CDKN1A: variants seen among roughly 807,000 people sequenced by gnomAD.
CDKN1A encodes cyclin-dependent kinase inhibitor 1.
A neutral mutation model predicts 14.8 loss-of-function variants in CDKN1A; 14 were observed. The ratio of observed to expected loss-of-function variants is 0.94; its 90% CI spans 0.62 to 1.48. CDKN1A has a LOEUF of 1.48. CDKN1A is among the 40% of genes most tolerant of loss of function. The probability of loss-of-function intolerance (pLI) is 0.00; values close to 1 mark genes in which losing one functional copy is unlikely to be tolerated. For missense variants in CDKN1A, 203 were observed against 231.7 expected (o/e 0.88, Z 0.80); for synonymous variants, 92 against 93.5 (o/e 0.98, Z 0.09).
chr6:36,680,340 G>GTGTC lies in CDKN1A; in HGVS notation c.-6+1545_-6+1546insCTGT, dbSNP rs1554185254. The GTGTC allele has an allele frequency of 1.3e-3, 188 of 148,260 alleles. 1 individual carries two copies. Among genetic ancestry groups the GTGTC allele is most frequent in the South Asian group, 6.8e-3 (31 of 4,550 alleles). 9.2% of individuals were successfully genotyped at this position (148,260 alleles called of 1,614,324 possible). The stretch of plus-strand genomic sequence containing the variant: ...TGTGTGTGTGTGTGTGTGTGTGTGT[G>GTGTC]TGTGTCTGTGTCAGAGACGGCACAA... On this transcript the variant is annotated intron_variant, in intron 1 of 2. Coordinates refer to ENST00000244741, the MANE Select transcript of CDKN1A (RefSeq NM_000389.5).
chr6:36,681,778 T>C (rs1412598507), intron 1 of CDKN1A, among the ~76,000 whole-genome samples: 3 of 151,604 alleles, frequency 2.0e-5, no homozygotes, highest in Non-Finnish European at 4.4e-5. Context: ...GTATTTTTAG[T>C]AGAGACGGGG....
In CDKN1A at chr6:36,684,224, C is replaced by T. The variant is rs2150313186; in HGVS notation, c.123C>T (p.Cys41=). Residue 41 remains cysteine (C), a synonymous_variant, in exon 2 of 3, where the codon TGC becomes TGT. Transcript: ENST00000244741. This position sits in a 1 kb window ranked among gnomAD's most constrained non-coding sequence, Gnocchi z 6.0. Reference sequence around the variant, plus strand: ...ACTGTGATGCGCTAATGGCGGGCTGCATCCAGGAGGCCCGTGAGCGATGGA... The same window carrying T: ...ACTGTGATGCGCTAATGGCGGGCTGTATCCAGGAGGCCCGTGAGCGATGGA... ...SRDCDALMAG[C]IQEARERWNF... is the part of the protein sequence containing the mutation. 1 of 1,611,958 alleles carries T rather than the reference C, an allele frequency of 6.2e-7. No homozygotes were observed. Among genetic ancestry groups the T allele is most frequent in the Non-Finnish European group, 8.5e-7 (1 of 1,179,958 alleles).
At position 36,681,404 on chromosome 6, in the gene CDKN1A, T is replaced by TCTTC. The variant is rs769174725; in HGVS notation, c.-6+2610_-6+2613dup. Among the ~76,000 whole-genome samples the TCTTC allele has an allele frequency of 7.7e-5, 7 of 90,424 alleles. No homozygotes were observed. The East Asian group carries it at 1.5e-3, about 19-fold the overall frequency. The allele number at this position is 90,424 out of a possible 152,430, so 59.3% of individuals were successfully genotyped here. Reference sequence around the variant, plus strand: ...TTCTTTCTTTCTTTCTTTCTTTCTTTCTTCCTTTCTCTTTCTCTCTTTCTT... The same window carrying TCTTC: ...TTCTTTCTTTCTTTCTTTCTTTCTTTCTTCCTTCCTTTCTCTTTCTCTCTTTCTT... On this transcript the variant is annotated intron_variant, in intron 1 of 2. Transcript: ENST00000244741.
rs757726599 is a variant in CDKN1A, at chr6:36,678,765, C to T, written c.-39C>T. ...TTCCTTGTGGAGCCGGAGCTGGGCG[C>T]GGATTCGCCGAGGCACCGAGGCACT... On this transcript the variant is annotated 5_prime_UTR_variant, in exon 1 of 3. Coordinates refer to ENST00000244741, the MANE Select transcript of CDKN1A (RefSeq NM_000389.5). The surrounding 1 kb of genome is among the most constrained non-coding windows in gnomAD (Gnocchi z 5.7). The T allele has an allele frequency of 3.1e-5, 31 of 985,586 alleles. No homozygotes were observed. The highest frequency in any genetic ancestry group is 3.5e-5 in the Non-Finnish European group (29 of 830,160). 61.1% of individuals were successfully genotyped at this position (985,586 alleles called of 1,614,324 possible).
upstream of CDKN1A, among the ~76,000 whole-genome samples, chr6:36,677,415 G>A (rs958646348): frequency 6.6e-6 from 1 of 152,150 alleles, no homozygotes; most frequent in Non-Finnish European, 1.5e-5. Flanking sequence ...CCAAGCCTGG[G>A]TTCTGTTTTT....
chr6:36,681,886 AC>A (rs762159796), intron 1 of CDKN1A, among the ~76,000 whole-genome samples: 8 of 151,928 alleles, frequency 5.3e-5, no homozygotes, highest in Admixed American at 3.9e-4. Flanking sequence ...GAGACACTGC[AC>A]CCAACCACCC....
Position 36,678,734 on chromosome 6 carries a change from A to C in CDKN1A, c.-70A>C, listed in dbSNP as rs1008329761. On this transcript the variant is annotated 5_prime_UTR_variant, in exon 1 of 3. Coordinates refer to ENST00000244741, the MANE Select transcript of CDKN1A (RefSeq NM_000389.5). The surrounding 1 kb of genome is among the most constrained non-coding windows in gnomAD (Gnocchi z 5.7). ...CAGCTGAGGTGTGAGCAGCTGCCGAAGTCAGTTCCTTGTGGAGCCGGAGCT... is the reference window on the plus strand; with the variant it reads ...CAGCTGAGGTGTGAGCAGCTGCCGACGTCAGTTCCTTGTGGAGCCGGAGCT... The C allele has an allele frequency of 1.0e-6, 1 of 985,458 alleles. No individual in the cohort carries two copies. Among genetic ancestry groups the C allele is most frequent in the Non-Finnish European group, 1.2e-6 (1 of 830,074 alleles). The allele number at this position is 985,458 out of a possible 1,614,324, so 61.0% of individuals were successfully genotyped here. A position where few individuals can be genotyped will look rare whatever the true frequency, so the allele number is the denominator to read the frequency against.
chr6:36,681,270 T>TTCCC lies in CDKN1A; in HGVS notation c.-6+2474_-6+2475insCCTC, dbSNP rs1554185337. Among the ~76,000 whole-genome samples, 8 of 86,094 alleles carry TTCCC rather than the reference T, an allele frequency of 9.3e-5. No homozygotes were observed. The East Asian group carries it at 2.6e-3, about 28-fold the overall frequency. The allele number at this position is 86,094 out of a possible 152,430, so 56.5% of individuals were successfully genotyped here. ...GAAAAAACTCCCTAGGTGCTTTTCT[T>TTCCC]TCTTTCTTTTTTTCTTTCTTTCTTT... On this transcript the variant is annotated intron_variant, in intron 1 of 2. Coordinates refer to ENST00000244741, the MANE Select transcript of CDKN1A (RefSeq NM_000389.5).
upstream of CDKN1A, chr6:36,677,792 C>G: frequency 9.4e-7 from 1 of 1,061,148 alleles, no homozygotes; most frequent in Non-Finnish European, 1.3e-6. Context: ...AGTTAGGTCA[C>G]CAGACTTCTC....
chr6:36,677,105 A>C (rs1761718061), upstream of CDKN1A, among the ~76,000 whole-genome samples: 2 of 152,104 alleles, frequency 1.3e-5, 1 homozygote, highest in South Asian at 4.1e-4. Flanking sequence ...AGCCCTTTGG[A>C]TGGTTTGGAT....
intron 1 of CDKN1A, among the ~76,000 whole-genome samples, chr6:36,680,279 C>CGA (rs1761873196): frequency 1.4e-5 from 2 of 138,854 alleles, no homozygotes; most frequent in Admixed American, 7.1e-5. Context: ...CGGCTCCCGG[C>CGA]GCGCGCGCGC....
chr6:36,680,717 C>T (rs941237610), intron 1 of CDKN1A: 2 of 152,022 alleles, frequency 1.3e-5, no homozygotes, highest in Admixed American at 1.3e-4. Flanking sequence ...CGAGATCAAC[C>T]CCTATGCCAT....
At chr6:36,683,294 A>G (rs990374205) in intron 1 of CDKN1A, among the ~76,000 whole-genome samples, 5 of 152,224 alleles carry the variant, frequency 3.3e-5, no homozygotes, top group Non-Finnish European at 7.4e-5. Context: ...AGGGTCACCT[A>G]GTAAAACCTG....
In CDKN1A at chr6:36,686,532, CTT is replaced by C. The variant is rs1582588446; in HGVS notation, c.*734_*735del. ...CGTCTCAGTGTTGAGCCTTTTCCCT[CTT>C]TGGCTCCCCTGTACCTTTTGAGGAG... On this transcript the variant is annotated 3_prime_UTR_variant, in exon 3 of 3. Transcript: ENST00000244741. The surrounding 1 kb of genome is among the most constrained non-coding windows in gnomAD (Gnocchi z 4.9). 13 of 234,372 alleles carry C rather than the reference CTT, an allele frequency of 5.5e-5. No homozygotes were observed. In the East Asian group the frequency reaches 7.8e-4, roughly 14 times the overall value. The allele number at this position is 234,372 out of a possible 1,614,324, so 14.5% of individuals were successfully genotyped here.
At chr6:36,682,981 C>G (rs1463061057) in intron 1 of CDKN1A, among the ~76,000 whole-genome samples, 1 of 152,192 alleles carries the variant, frequency 6.6e-6, no homozygotes, top group Non-Finnish European at 1.5e-5. Flanking sequence ...CCCCTCCTTA[C>G]CCCTAGGCCA....
chr6:36,678,949 G>C lies in CDKN1A; in HGVS notation c.-6+151G>C, dbSNP rs947274992. On this transcript the variant is annotated intron_variant, in intron 1 of 2. Transcript: ENST00000244741. The surrounding 1 kb of genome is among the most constrained non-coding windows in gnomAD (Gnocchi z 5.7). ...GGTGTTTCTGCGGCAGGTGAATGAC[G>C]GGCGTGGGTCGGTGCGCGCTCGGCT... The C allele has an allele frequency of 5.1e-6, 5 of 985,698 alleles. No homozygotes were observed. Among genetic ancestry groups the C allele is most frequent in the Non-Finnish European group, 6.0e-6 (5 of 830,216 alleles). The allele number at this position is 985,698 out of a possible 1,614,324, so 61.1% of individuals were successfully genotyped here.
chr6:36,678,516 C>A, upstream of CDKN1A: 1 of 234,974 alleles, frequency 4.3e-6, no homozygotes, highest in Non-Finnish European at 7.0e-6. This position sits in a 1 kb window ranked among gnomAD's most constrained non-coding sequence, Gnocchi z 5.7. Flanking sequence ...TGCCCTCCTG[C>A]AGCACGCGAG....
rs1384598781 is a variant in CDKN1A at position 36,684,709 on chromosome 6, C to T, written c.445+163C>T. On this transcript the variant is annotated intron_variant, in intron 2 of 2. Coordinates refer to ENST00000244741, the MANE Select transcript of CDKN1A (RefSeq NM_000389.5). This position sits in a 1 kb window ranked among gnomAD's most constrained non-coding sequence, Gnocchi z 6.0. ...CTGAGGTCACACAGCAAGTAGGCAG[C>T]AAAGACCAACTAGCTAACATTTATT... Among the ~76,000 whole-genome samples the T allele has an allele frequency of 2.0e-5, 3 of 152,208 alleles. No individual in the cohort carries two copies. The highest frequency in any genetic ancestry group is 2.9e-5 in the Non-Finnish European group (2 of 68,032).
Position 36,686,791 on chromosome 6 carries a change from G to C in CDKN1A, c.*991G>C. ...GACCGCCCCCTCCTCTAGCTGTGGG[G>C]GTGAGGGTCCCATGTGGTGGCACAG... On this transcript the variant is annotated 3_prime_UTR_variant, in exon 3 of 3. Transcript: ENST00000244741. The surrounding 1 kb of genome is among the most constrained non-coding windows in gnomAD (Gnocchi z 4.9). 4.3e-6 allele frequency: 1 copy of C among 234,082 alleles called. No individual in the cohort carries two copies. The highest frequency in any genetic ancestry group is 2.2e-5 in the African/African-American group (1 of 45,470). 14.5% of individuals were successfully genotyped at this position (234,082 alleles called of 1,614,324 possible).
Sources: allele counts gnomAD v4.1 joint callset (sites outside exome capture counted in the v4.1 genomes callset), GRCh38; gene constraint gnomAD v4.1.1; non-coding constraint Gnocchi (gnomAD v3.1); transcripts MANE v1.5; gene names NCBI Gene and HGNC (gene_info 2026-07-23, HGNC 2026-07-21).